The following SI variants were observed in gnomAD, a reference collection of about 807,000 sequenced individuals.
SI encodes the protein sucrase-isomaltase.
A neutral mutation model predicts 253.3 loss-of-function variants in SI; 235 were observed. The observed-to-expected ratio is 0.93, with a 90% CI of 0.83 to 1.03. The LOEUF is 1.03. Ranked by LOEUF, SI falls within the 50% of genes least tolerant of loss-of-function variation. The pLI is 0.00. For synonymous variants in SI, 819 were observed against 712.0 expected, an observed-to-expected ratio of 1.15 and a Z score of -2.39; for missense variants, 2,442 against 2,211.1, an observed-to-expected ratio of 1.10 and a Z score of -2.09.
intron 37 of SI, among the ~76,000 whole-genome samples, chr3:165,004,471 A>T (rs563122599): frequency 7.2e-5 from 11 of 152,146 alleles, no homozygotes; most frequent in Non-Finnish European, 1.6e-4. Context: ...AGAAAGATAT[A>T]TCAAAAAGAT....
At chr3:165,057,054 G>A (rs970312674) in intron 12 of SI, among the ~76,000 whole-genome samples, 2 of 151,888 alleles carry the variant, frequency 1.3e-5, no homozygotes, top group African/African-American at 2.4e-5. Flanking sequence ...CAGAAAATTC[G>A]AAATAGCTGT....
intron 31 of SI, among the ~76,000 whole-genome samples, chr3:165,017,048 C>A (rs1719068504): frequency 6.6e-6 from 1 of 151,786 alleles, no homozygotes; most frequent in Non-Finnish European, 1.5e-5. Context: ...TGAGGAAATT[C>A]AGAGATTGAT....
Position 164,979,581 on chromosome 3 carries a change from A to G in SI, c.5416-151T>C, listed in dbSNP as rs573045820. 21 of 545,888 alleles carry G rather than the reference A, an allele frequency of 3.8e-5. 1 individual carries two copies. In the East Asian group the frequency reaches 6.2e-4, roughly 16 times the overall value. The allele number at this position is 545,888 out of a possible 1,614,324, so 33.8% of individuals were successfully genotyped here. Reference sequence around the variant, plus strand: ...AATTTTTACTCTCAGAAAGTTTGCAACCATTTCAGCAACAATTTCACCCAA... The same window carrying G: ...AATTTTTACTCTCAGAAAGTTTGCAGCCATTTCAGCAACAATTTCACCCAA... On this transcript the variant is annotated intron_variant, in intron 47 of 47. Transcript: ENST00000264382.
chr3:165,081,991 A>G (rs1282560691), upstream of SI, among the ~76,000 whole-genome samples: 2 of 152,004 alleles, frequency 1.3e-5, no homozygotes, highest in Non-Finnish European at 2.9e-5. Flanking sequence ...CCAGTCTTAC[A>G]CACAGATGCA....
intron 15 of SI, 26 bp from the exon 16 acceptor site, chr3:165,047,038 T>C (rs1321892312): frequency 1.1e-5 from 16 of 1,471,572 alleles, no homozygotes; most frequent in Admixed American, 1.9e-5. Context: ...AATTAACAAA[T>C]ACAATTTATT....
chr3:165,083,410 T>C (rs1358612533), upstream of SI, among the ~76,000 whole-genome samples: 1 of 151,932 alleles, frequency 6.6e-6, no homozygotes, highest in African/African-American at 2.4e-5. Flanking sequence ...TTTCTGTAGG[T>C]CAGCTTTGAC....
intron 3 of SI, among the ~76,000 whole-genome samples, chr3:165,073,197 TC>T (rs1714703371): frequency 1.4e-5 from 1 of 71,494 alleles, no homozygotes; most frequent in Non-Finnish European, 2.8e-5. Context: ...TCTCTCTCTC[TC>T]TCTCTCTCTC....
chr3:165,006,183 A>G (rs953778911), intron 37 of SI, among the ~76,000 whole-genome samples: 2 of 152,200 alleles, frequency 1.3e-5, no homozygotes, highest in Admixed American at 6.5e-5. Flanking sequence ...ATCTTGGCTC[A>G]CTGCAACCTC....
upstream of SI, among the ~76,000 whole-genome samples, chr3:165,082,564 C>G (rs1347948669): frequency 1.8e-4 from 28 of 151,910 alleles, 1 homozygote; most frequent in Admixed American, 1.8e-3. Flanking sequence ...CCTACTTTTC[C>G]CTTCATAACA....
chr3:165,036,282 A>G lies in SI; in HGVS notation c.2515+107T>C. 6 of 755,472 alleles carry G rather than the reference A, an allele frequency of 7.9e-6. No homozygotes were observed. In the South Asian group the frequency reaches 9.4e-5, roughly 12 times the overall value. 46.8% of individuals were successfully genotyped at this position (755,472 alleles called of 1,614,324 possible). On this transcript the variant is annotated intron_variant, in intron 22 of 47. Coordinates refer to ENST00000264382, the MANE Select transcript of SI (RefSeq NM_001041.4). Reference sequence around the variant, plus strand: ...AAACAGATAAAAAACATTAGGAATTAAAAATAAAAATTCGTGATATTTAAA... The same window carrying G: ...AAACAGATAAAAAACATTAGGAATTGAAAATAAAAATTCGTGATATTTAAA...
the SI span, among the ~76,000 whole-genome samples, chr3:165,089,767 AT>A: frequency 3.2e-3 from 489 of 152,110 alleles, 2 homozygotes; most frequent in Middle Eastern, 6.8e-3. Flanking sequence ...TGTGGACTGA[AT>A]TACTCTCTGC....
At chr3:164,984,075 A>T (rs1254565878) in intron 45 of SI, among the ~76,000 whole-genome samples, 1 of 152,178 alleles carries the variant, frequency 6.6e-6, no homozygotes, top group Non-Finnish European at 1.5e-5. Flanking sequence ...ATAAATTGCC[A>T]AAAGTAAAAA....
intron 27 of SI, 150 bp from the exon 28 acceptor site, chr3:165,019,920 G>T (rs888360046): frequency 1.4e-6 from 1 of 733,844 alleles, no homozygotes. Context: ...GGAAATAGAT[G>T]ATTAATCTAA....
At chr3:165,034,333 T>G (rs981808232) in intron 22 of SI, among the ~76,000 whole-genome samples, 1 of 152,000 alleles carries the variant, frequency 6.6e-6, no homozygotes, top group African/African-American at 2.4e-5. Flanking sequence ...AAGTAAGCTA[T>G]TCATATGCAT....
Position 165,054,866 on chromosome 3 carries a change from C to T in SI, c.1512+328G>A, listed in dbSNP as rs575659046. ...AATAAATGTTTTGCTAATTGCACTG[C>T]AATAGGCTTATCACCAAATCTTATT... On this transcript the variant is annotated intron_variant, in intron 13 of 47. Transcript: ENST00000264382. Among the ~76,000 whole-genome samples, 27 of 152,154 alleles carry T rather than the reference C, an allele frequency of 1.8e-4. No individual in the cohort carries two copies. The South Asian group carries it at 5.4e-3, about 30-fold the overall frequency.
At chr3:164,983,539 A>C (rs547515681) in intron 45 of SI, among the ~76,000 whole-genome samples, 1 of 152,118 alleles carries the variant, frequency 6.6e-6, no homozygotes, top group African/African-American at 2.4e-5. Context: ...CTAAAATTAA[A>C]CTGGCAAAAT....
chr3:164,982,585 C>T (rs1259933195), intron 46 of SI, among the ~76,000 whole-genome samples, 175 bp from the exon 47 acceptor site: 8 of 151,934 alleles, frequency 5.3e-5, no homozygotes, highest in Admixed American at 5.3e-4. Flanking sequence ...AATTTTCTTC[C>T]TTTTTTCCTA....
chr3:164,990,128 G>A (rs772189644), intron 44 of SI, among the ~76,000 whole-genome samples: 5 of 152,010 alleles, frequency 3.3e-5, no homozygotes, highest in Non-Finnish European at 5.9e-5. Flanking sequence ...CTACTTTTAC[G>A]GGGGGTGTTG....
chr3:165,049,895 A>T lies in SI; in HGVS notation c.1513-20T>A. 1 of 1,425,400 alleles carries T rather than the reference A, an allele frequency of 7.0e-7. No homozygotes were observed. The highest frequency in any genetic ancestry group is 9.9e-7 in the Non-Finnish European group (1 of 1,008,838). 88.3% of individuals were successfully genotyped at this position (1,425,400 alleles called of 1,614,324 possible). ...CATGTCCTGAATGGATACAAAATGA[A>T]GAACAGCAGATTTTACATAATTATA... On this transcript the variant is annotated intron_variant, in intron 13 of 47. Coordinates refer to ENST00000264382, the MANE Select transcript of SI (RefSeq NM_001041.4).
Sources: gnomAD v4.1 joint callset for allele counts (sites outside exome capture counted in the v4.1 genomes callset) on GRCh38, gnomAD v4.1.1 for gene constraint, MANE v1.5 for transcripts, NCBI Gene and HGNC (gene_info 2026-07-23, HGNC 2026-07-21) for gene names.